The following LPIN2 variants were observed in gnomAD, a reference collection of about 807,000 sequenced individuals.
LPIN2 encodes lipin 2.
A neutral mutation model predicts 111.4 loss-of-function variants in LPIN2; 55 were observed. The observed-to-expected ratio is 0.49, with a 90% CI of 0.40 to 0.62. The LOEUF is 0.62. LPIN2 is among the 20% of genes least tolerant of loss of function. The pLI is 0.00. For missense variants in LPIN2, 992 were observed against 1,112.1 expected (o/e 0.89, Z 1.54); for synonymous variants, 425 against 414.0 (o/e 1.03, Z -0.32).
intron 17 of LPIN2, 44 bp downstream of exon 17, chr18:2,922,003 A>C: frequency 1.3e-6 from 2 of 1,594,170 alleles, no homozygotes; most frequent in Non-Finnish European, 1.7e-6. Context: ...AGCCCCGCCC[A>C]CATGCTGGGG....
At chr18:2,926,872 A>G (rs1163994368) in intron 12 of LPIN2, 67 bp from the exon 13 acceptor site, 14 of 1,230,282 alleles carry the variant, frequency 1.1e-5, no homozygotes, top group Non-Finnish European at 1.5e-5. Flanking sequence ...GTTCATCAGC[A>G]GCCCTCTCTA....
chr18:2,951,230 G>C lies in LPIN2; in HGVS notation c.415C>G (p.His139Asp), dbSNP rs762038320. The C allele has an allele frequency of 1.2e-6, 2 of 1,614,094 alleles. No homozygotes were observed. The highest frequency in any genetic ancestry group is 1.7e-6 in the Non-Finnish European group (2 of 1,180,022). ...ETPSQSSDISHVLETETIFTP... is the reference protein window; with the variant it reads ...ETPSQSSDISDVLETETIFTP... ...AAAATTGTCTCTGTTTCCAAGACGT[G>C]TGAGATGTCTGAACTCTGAGATGGT... The change falls in exon 4 of 20, where the codon CAC becomes GAC. Residue 139 changes from histidine (H) to aspartate (D), a missense_variant. His to Asp is a moderately conservative substitution (Grantham distance 81). Around this residue, in one of 4 missense-constraint regions of LPIN2, gnomAD observed 709 missense variants for 753.2 expected, o/e 0.94. Transcript: ENST00000677752.
chr18:2,943,137 T>G (rs1031595323), intron 4 of LPIN2, among the ~76,000 whole-genome samples: 5 of 152,078 alleles, frequency 3.3e-5, no homozygotes, highest in African/African-American at 4.8e-5. Context: ...ACTGCCAAAA[T>G]GCACTGAACT....
chr18:2,953,448 C>G (rs561796937), intron 3 of LPIN2, among the ~76,000 whole-genome samples: 4 of 152,016 alleles, frequency 2.6e-5, no homozygotes, highest in African/African-American at 9.6e-5. Flanking sequence ...CAAGTAAATG[C>G]AAACAAGGTA....
intron 4 of LPIN2, among the ~76,000 whole-genome samples, chr18:2,941,798 A>C (rs1278508603): frequency 6.6e-6 from 1 of 152,088 alleles, no homozygotes; most frequent in Non-Finnish European, 1.5e-5. Context: ...GGTGGCGGGC[A>C]CCTGTAATCC....
intron 1 of LPIN2, among the ~76,000 whole-genome samples, chr18:3,001,559 T>C (rs1048867184): frequency 6.6e-6 from 1 of 152,012 alleles, no homozygotes; most frequent in South Asian, 2.1e-4. Flanking sequence ...AGGAGGGTTA[T>C]ATAAGAGATG....
chr18:2,980,980 A>G (rs1353873348), intron 1 of LPIN2, among the ~76,000 whole-genome samples: 2 of 152,238 alleles, frequency 1.3e-5, no homozygotes, highest in East Asian at 3.8e-4. Flanking sequence ...TTCCTTAGCA[A>G]ATAAAGGTAT....
intron 1 of LPIN2, among the ~76,000 whole-genome samples, chr18:2,976,459 T>C (rs1304198580): frequency 6.6e-6 from 1 of 152,156 alleles, no homozygotes; most frequent in Non-Finnish European, 1.5e-5. Flanking sequence ...AAGCTACACG[T>C]GGAAAAAAGA....
chr18:2,921,333 T>G, intron 18 of LPIN2, 200 bp downstream of exon 18: 1 of 624,814 alleles, frequency 1.6e-6, no homozygotes, highest in Non-Finnish European at 2.8e-6. Flanking sequence ...TCGTATAAAT[T>G]CTGGGGCAGA....
chr18:2,956,262 G>A (rs1417382796), intron 2 of LPIN2, among the ~76,000 whole-genome samples: 1 of 149,344 alleles, frequency 6.7e-6, no homozygotes, highest in East Asian at 2.0e-4. Context: ...TGGTGGATGG[G>A]AATTGGAGGA....
chr18:2,965,725 C>T lies in LPIN2; in HGVS notation c.-9-4876G>A, dbSNP rs1481897518. Among the ~76,000 whole-genome samples the T allele has an allele frequency of 7.0e-5, 3 of 42,612 alleles. No homozygotes were observed. The Admixed American group carries it at 1.2e-3, about 16-fold the overall frequency. 28.0% of individuals were successfully genotyped at this position (42,612 alleles called of 152,430 possible). A position where few individuals can be genotyped will look rare whatever the true frequency, so the allele number is the denominator to read the frequency against. On this transcript the variant is annotated intron_variant, in intron 1 of 19. Coordinates refer to ENST00000677752, the MANE Select transcript of LPIN2 (RefSeq NM_001375808.2). ...AGCCTGGGTGACAGAGTGAGACTCC[C>T]AATCTCAAAAAAAAAAAAAAAAAAG...
At chr18:2,965,445 T>G (rs1445503950) in intron 1 of LPIN2, among the ~76,000 whole-genome samples, 2 of 152,082 alleles carry the variant, frequency 1.3e-5, no homozygotes, top group Non-Finnish European at 2.9e-5. Context: ...ATAAATAAAA[T>G]GGGCCAGGCG....
At chr18:2,948,154 G>C (rs2077482898) in intron 4 of LPIN2, 1 of 151,948 alleles carries the variant, frequency 6.6e-6, no homozygotes, top group Non-Finnish European at 1.5e-5. Flanking sequence ...CTATTTTAAG[G>C]AAATTTCATG....
intron 2 of LPIN2, among the ~76,000 whole-genome samples, chr18:2,958,723 T>C (rs989104700): frequency 1.3e-5 from 2 of 152,144 alleles, no homozygotes; most frequent in Non-Finnish European, 2.9e-5. Context: ...TGCAACGTTT[T>C]GACAAGATAG....
Position 2,928,574 on chromosome 18 carries a change from AT to A in LPIN2, c.1620+16del, listed in dbSNP as rs759865446. On this transcript the variant is annotated intron_variant, in intron 11 of 19. Coordinates refer to ENST00000677752, the MANE Select transcript of LPIN2 (RefSeq NM_001375808.2). The stretch of plus-strand genomic sequence containing the variant: ...GCGGATGCTTTCGGAAAGGCAGCAG[AT>A]GGTGGATCGCCTCACCTTAGGCAAG... 4.3e-5 allele frequency: 69 copies of A among 1,613,784 alleles called. 2 individuals are homozygous for A. The Admixed American group carries it at 4.7e-4, about 11-fold the overall frequency.
intron 1 of LPIN2, among the ~76,000 whole-genome samples, chr18:3,004,319 G>C (rs1218420324): frequency 6.6e-6 from 1 of 152,038 alleles, no homozygotes; most frequent in Non-Finnish European, 1.5e-5. Flanking sequence ...TGCTGGTTTG[G>C]GGCTCGGGGT....
chr18:2,924,459 T>C lies in LPIN2; in HGVS notation c.2026A>G (p.Ile676Val), dbSNP rs768656563. 1.2e-6 allele frequency: 2 copies of C among 1,614,192 alleles called. No homozygotes were observed. Among genetic ancestry groups the C allele is most frequent in the Non-Finnish European group, 8.5e-7 (1 of 1,180,020 alleles). The change falls in exon 15 of 20, where the codon ATT (isoleucine) becomes GTT (valine). Residue 676 changes from isoleucine (I) to valine (V), a missense_variant. Physicochemically the swap from Ile to Val is conservative, Grantham distance 29. Coordinates refer to ENST00000677752, the MANE Select transcript of LPIN2 (RefSeq NM_001375808.2). ...YQGTCRCAGT[I>V]YLWNWNDKII... ...TTGTCATTCCAGTTCCACAGGTAAATGGTCCCTGCACAGCGACAGGTGCCT... is the reference window on the plus strand; with the variant it reads ...TTGTCATTCCAGTTCCACAGGTAAACGGTCCCTGCACAGCGACAGGTGCCT...
chr18:2,953,302 A>G (rs1177383352), intron 3 of LPIN2, among the ~76,000 whole-genome samples: 1 of 152,234 alleles, frequency 6.6e-6, no homozygotes, highest in Admixed American at 6.5e-5. Flanking sequence ...CTGCTGATCT[A>G]GAAGTTCAGT....
At chr18:2,960,366 T>A (rs576175152) in intron 2 of LPIN2, among the ~76,000 whole-genome samples, 1 of 152,266 alleles carries the variant, frequency 6.6e-6, no homozygotes, top group African/African-American at 2.4e-5. Context: ...CTTTTCTGAG[T>A]TGCAACATGT....
Sources: gnomAD v4.1 joint callset for allele counts (sites outside exome capture counted in the v4.1 genomes callset) on GRCh38, gnomAD v4.1.1 for gene constraint, gnomAD v4.1.1 regional missense constraint, MANE v1.5 for transcripts, NCBI Gene and HGNC (gene_info 2026-07-23, HGNC 2026-07-21) for gene names.